The following SERPINB5 variants were observed in gnomAD, a reference collection of about 807,000 sequenced individuals.
SERPINB5 encodes serpin B5.
SERPINB5 carries 27 observed loss-of-function variants against 32.2 expected under a neutral mutation model. That is an observed-to-expected ratio of 0.84 (90% CI 0.62 to 1.16). SERPINB5 has a LOEUF of 1.16. SERPINB5 is among the 50% of genes most tolerant of loss of function. The pLI, the probability that SERPINB5 is intolerant of heterozygous loss-of-function variation, is 0.00. For synonymous variants in SERPINB5, 154 were observed against 157.4 expected, an observed-to-expected ratio of 0.98 and a Z score of 0.16; for missense variants, 388 against 436.3, an observed-to-expected ratio of 0.89 and a Z score of 0.99.
chr18:63,484,336 A>G, intron 1 of SERPINB5, 86 bp from the exon 2 acceptor site: 3 of 1,246,364 alleles, frequency 2.4e-6, no homozygotes, highest in Non-Finnish European at 3.3e-6. Flanking sequence ...TTGTTTAAAT[A>G]GAATTCTTAT....
At chr18:63,483,238 C>A (rs566598932) in intron 1 of SERPINB5, among the ~76,000 whole-genome samples, 11 of 152,314 alleles carry the variant, frequency 7.2e-5, no homozygotes, top group African/African-American at 2.4e-4. Context: ...ACTTATTATA[C>A]CACTCACATG....
chr18:63,480,229 T>C (rs1917104390), intron 1 of SERPINB5, among the ~76,000 whole-genome samples: 1 of 152,252 alleles, frequency 6.6e-6, no homozygotes. Flanking sequence ...GCAAGGTACT[T>C]GGAAATAAGT....
chr18:63,502,388 G>A (rs1909588283), intron 6 of SERPINB5, among the ~76,000 whole-genome samples: 1 of 152,032 alleles, frequency 6.6e-6, no homozygotes, highest in African/African-American at 2.4e-5. Flanking sequence ...ACCCACCTCG[G>A]CTTCCCAAAG....
intron 5 of SERPINB5, among the ~76,000 whole-genome samples, chr18:63,497,713 G>A (rs1333209549): frequency 6.6e-6 from 1 of 152,064 alleles, no homozygotes; most frequent in African/African-American, 2.4e-5. Flanking sequence ...AATTATTTCA[G>A]ATATTTTAAA....
Position 63,503,830 on chromosome 18 carries a change from C to A in SERPINB5, c.*108C>A. ...TAGATACAATAAATTGCTAATGTTG[C>A]TGGATCAGGAAGCCGCCAGTACTTG... On this transcript the variant is annotated 3_prime_UTR_variant, in exon 7 of 7. Transcript: ENST00000382771. The A allele has an allele frequency of 1.7e-6, 2 of 1,208,294 alleles. No individual in the cohort carries two copies. The highest frequency in any genetic ancestry group is 2.4e-6 in the Non-Finnish European group (2 of 849,496). The allele number at this position is 1,208,294 out of a possible 1,614,324, so 74.8% of individuals were successfully genotyped here. A position where few individuals can be genotyped will look rare whatever the true frequency, so the allele number is the denominator to read the frequency against.
At chr18:63,497,265 C>A in intron 5 of SERPINB5, 1 of 1,031,862 alleles carries the variant, frequency 9.7e-7, no homozygotes, top group Non-Finnish European at 1.5e-6. Flanking sequence ...CGTTTGGCAG[C>A]TTGATCATTG....
At chr18:63,484,366 T>G (rs1190134771) in intron 1 of SERPINB5, 56 bp from the exon 2 acceptor site, 1 of 1,489,966 alleles carries the variant, frequency 6.7e-7, no homozygotes, top group Non-Finnish European at 9.1e-7. Context: ...AGAATGCAGT[T>G]GAGAAGACGT....
intron 5 of SERPINB5, chr18:63,497,425 T>C: frequency 1.1e-6 from 1 of 912,876 alleles, no homozygotes; most frequent in South Asian, 1.3e-5. Context: ...CACCTGCCTG[T>C]CCCTGCTGCT....
At position 63,504,912 on chromosome 18, in the gene SERPINB5, G is replaced by T. The variant is rs11664401; in HGVS notation, c.*1190G>T. The T allele has an allele frequency of 1.3e-5, 2 of 151,874 alleles. No homozygotes were observed. The highest frequency in any genetic ancestry group is 2.9e-5 in the Non-Finnish European group (2 of 67,978). The allele number at this position is 151,874 out of a possible 1,614,324, so 9.4% of individuals were successfully genotyped here. On this transcript the variant is annotated 3_prime_UTR_variant, in exon 7 of 7. Transcript: ENST00000382771. The stretch of plus-strand genomic sequence containing the variant: ...GTAAAGTTGGTTGGATAAGCTATCC[G>T]TGTTGCAGGTTCATGGATTACTTCT...
At chr18:63,499,065 ATATT>A in intron 5 of SERPINB5, 51 bp from the exon 6 acceptor site, 1 of 834,888 alleles carries the variant, frequency 1.2e-6, no homozygotes, top group South Asian at 2.9e-5. Context: ...ATATATATAT[ATATT>A]TATGCATGTG....
chr18:63,494,587 C>T (rs1055107831), intron 5 of SERPINB5, among the ~76,000 whole-genome samples: 1 of 152,186 alleles, frequency 6.6e-6, no homozygotes, highest in African/African-American at 2.4e-5. Context: ...AGTTAGAGTA[C>T]TTAGCATCAA....
At chr18:63,499,071 A>T in intron 5 of SERPINB5, 49 bp from the exon 6 acceptor site, 1 of 995,050 alleles carries the variant, frequency 1.0e-6, no homozygotes, top group Non-Finnish European at 1.4e-6. Context: ...ATATATATTT[A>T]TGCATGTGTA....
intron 6 of SERPINB5, 32 bp downstream of exon 6, chr18:63,499,319 C>T (rs369519640): frequency 6.9e-7 from 1 of 1,454,094 alleles, no homozygotes; most frequent in Non-Finnish European, 9.1e-7. Context: ...TCCACAAAGG[C>T]ACCCCCTGCC....
intron 1 of SERPINB5, among the ~76,000 whole-genome samples, chr18:63,480,771 G>C (rs8087830): frequency 6.6e-6 from 1 of 152,060 alleles, no homozygotes; most frequent in Admixed American, 6.5e-5. Context: ...CAGATTTACC[G>C]GGCAGTATTT....
chr18:63,489,403 C>G lies in SERPINB5; in HGVS notation c.363C>G (p.Phe121Leu), dbSNP rs557073988. 7 of 1,613,222 alleles carry G rather than the reference C, an allele frequency of 4.3e-6. 1 individual carries two copies. In the South Asian group the frequency reaches 6.6e-5, roughly 15 times the overall value. The stretch of plus-strand genomic sequence containing the variant: ...CAAAGGAATTGGAAACTGTTGACTT[C>G]AAAGATAAATTGGAAGAAACGAAAG... ...PYAKELETVD[F>L]KDKLEETKGQ... The change falls in exon 4 of 7, where the codon TTC becomes TTG. Residue 121 changes from phenylalanine (F) to leucine (L), a missense_variant. Physicochemically the swap from Phe to Leu is conservative, Grantham distance 22. Coordinates refer to ENST00000382771, the MANE Select transcript of SERPINB5 (RefSeq NM_002639.5).
At chr18:63,481,518 C>T (rs748575289) in intron 1 of SERPINB5, among the ~76,000 whole-genome samples, 7 of 152,296 alleles carry the variant, frequency 4.6e-5, no homozygotes, top group East Asian at 3.9e-4. Flanking sequence ...ATTATCAGTG[C>T]GATTAGCTCT....
chr18:63,493,157 A>G, intron 5 of SERPINB5, 62 bp downstream of exon 5: 1 of 1,605,502 alleles, frequency 6.2e-7, no homozygotes, highest in Non-Finnish European at 8.5e-7. Flanking sequence ...AATGATAGGG[A>G]CAGAGTGGGG....
chr18:63,487,503 C>T (rs910303381), intron 3 of SERPINB5, among the ~76,000 whole-genome samples: 1 of 152,172 alleles, frequency 6.6e-6, no homozygotes, highest in African/African-American at 2.4e-5. Flanking sequence ...AGCTCTCCAC[C>T]TCATTTTTTA....
chr18:63,503,410 C>T lies in SERPINB5; in HGVS notation c.816C>T (p.Ser272=), dbSNP rs772317575. ...STMANAKVKL[S]IPKFKVEKMI... is the part of the protein sequence containing the mutation. Reference sequence around the variant, plus strand: ...TGGCCAATGCCAAGGTCAAACTCTCCATTCCAAAATTTAAGGTGGAAAAGA... The same window carrying T: ...TGGCCAATGCCAAGGTCAAACTCTCTATTCCAAAATTTAAGGTGGAAAAGA... Residue 272 remains serine, a synonymous_variant, in exon 7 of 7, where the codon TCC becomes TCT. Coordinates refer to ENST00000382771, the MANE Select transcript of SERPINB5 (RefSeq NM_002639.5). The T allele has an allele frequency of 6.2e-7, 1 of 1,614,242 alleles. No homozygotes were observed. The highest frequency in any genetic ancestry group is 1.1e-5 in the South Asian group (1 of 91,082).
Sources: allele counts gnomAD v4.1 joint callset (sites outside exome capture counted in the v4.1 genomes callset), GRCh38; gene constraint gnomAD v4.1.1; transcripts MANE v1.5; gene names NCBI Gene and HGNC (gene_info 2026-07-23, HGNC 2026-07-21).